The following NFE2L3 variants were observed in gnomAD, a reference collection of about 807,000 sequenced individuals.
The protein encoded by NFE2L3 is nuclear factor erythroid 2-related factor 3.
In NFE2L3, 18 loss-of-function variants were observed where a neutral mutation model predicts 23.5. The observed-to-expected ratio is 0.77, with a 90% CI of 0.53 to 1.13. The LOEUF (loss-of-function observed/expected upper bound fraction) is 1.13. Among genes scored for constraint, NFE2L3 ranks in the 50% most tolerant of loss-of-function variants. NFE2L3 has a pLI of 0.00. For synonymous variants in NFE2L3, 424 were observed against 354.5 expected (o/e 1.20, Z -2.20); for missense variants, 1,152 against 877.2 (o/e 1.31, Z -3.96).
intron 1 of NFE2L3, among the ~76,000 whole-genome samples, chr7:26,175,232 C>T (rs1043628983): frequency 4.7e-5 from 7 of 149,786 alleles, no homozygotes; most frequent in African/African-American, 1.5e-4. Flanking sequence ...TGGTGGCAGG[C>T]ACCTGTAGTC....
At chr7:26,162,441 G>A (rs1477521475) in intron 1 of NFE2L3, among the ~76,000 whole-genome samples, 3 of 152,146 alleles carry the variant, frequency 2.0e-5, no homozygotes, top group Non-Finnish European at 4.4e-5. Context: ...TAATCATACA[G>A]TGATTCTGTA....
At position 26,184,666 on chromosome 7, in the gene NFE2L3, CCAA is replaced by C. The variant is rs1782433558; in HGVS notation, c.972_974del (p.Asn325del). ...CTTCATGAGGCCATCTTGCTTTGTCCCAACAATACATTTAGAAGAGATCCAACA... is the reference window on the plus strand; with the variant it reads ...CTTCATGAGGCCATCTTGCTTTGTCCCAATACATTTAGAAGAGATCCAACA... On this transcript the variant is annotated inframe_deletion, in exon 4 of 4. Transcript: ENST00000056233. 1 of 1,613,816 alleles carries C rather than the reference CCAA, an allele frequency of 6.2e-7. No individual in the cohort carries two copies.
chr7:26,179,519 A>G (rs1228153664), intron 2 of NFE2L3, among the ~76,000 whole-genome samples: 1 of 150,078 alleles, frequency 6.7e-6, no homozygotes, highest in Non-Finnish European at 1.5e-5. Flanking sequence ...AAAAAAAAGT[A>G]TAACCCAATG....
intron 1 of NFE2L3, among the ~76,000 whole-genome samples, chr7:26,165,928 T>C (rs938108342): frequency 2.4e-4 from 37 of 152,222 alleles, no homozygotes; most frequent in Non-Finnish European, 4.4e-5. Context: ...ACTGTTCAAA[T>C]TTCCTGTTAT....
At chr7:26,166,329 C>G (rs1784251648) in intron 1 of NFE2L3, among the ~76,000 whole-genome samples, 1 of 152,150 alleles carries the variant, frequency 6.6e-6, no homozygotes, top group Non-Finnish European at 1.5e-5. Context: ...GCTCTGACCT[C>G]CCCCTTGGCT....
At chr7:26,172,692 C>CAA (rs1198039661) in intron 1 of NFE2L3, among the ~76,000 whole-genome samples, 1 of 152,120 alleles carries the variant, frequency 6.6e-6, no homozygotes, top group Non-Finnish European at 1.5e-5. Flanking sequence ...GATGTTTCCT[C>CAA]AATGATTAGA....
rs2128099575 is a variant in NFE2L3, at chr7:26,178,034, A to G, written c.662A>G (p.Asn221Ser). The G allele has an allele frequency of 6.2e-7, 1 of 1,614,136 alleles. No homozygotes were observed. Among genetic ancestry groups the G allele is most frequent in the South Asian group, 1.1e-5 (1 of 91,080 alleles). The change falls in exon 2 of 4, where the codon AAC becomes AGC. Residue 221 changes from asparagine (N) to serine (S), a missense_variant. Asn to Ser is a conservative substitution (Grantham distance 46). Transcript: ENST00000056233. ...GAAAGGGTGTCAGCCCAGAAGGAGA[A>G]CTCACTTCAGCAGAATGATGATGAT... is the stretch of plus-strand genomic sequence containing the variant. The part of the protein sequence containing the change: ...NEERVSAQKE[N>S]SLQQNDDDEN...
Position 26,184,637 on chromosome 7 carries a change from G to A in NFE2L3, c.939G>A (p.Val313=). The change falls in exon 4 of 4, where the codon GTG becomes GTA. Residue 313 remains valine (V), a synonymous_variant. Coordinates refer to ENST00000056233, the MANE Select transcript of NFE2L3 (RefSeq NM_004289.7). ...VNFSQAISQD[V]NLHEAILLCP... ...TCAGCCAGGCTATAAGTCAGGATGTGAATCTTCATGAGGCCATCTTGCTTT... is the reference window on the plus strand; with the variant it reads ...TCAGCCAGGCTATAAGTCAGGATGTAAATCTTCATGAGGCCATCTTGCTTT... 6.2e-7 allele frequency: 1 copy of A among 1,613,884 alleles called. No homozygotes were observed. The highest frequency in any genetic ancestry group is 8.5e-7 in the Non-Finnish European group (1 of 1,179,830).
In NFE2L3 at chr7:26,152,441, G is replaced by T; in HGVS notation, c.-58G>T. ...CGGGGTCCGCACGTGTCACCCCGGC[G>T]GCTGGGGCGCCGGGACCCGCGGGCG... On this transcript the variant is annotated 5_prime_UTR_variant, in exon 1 of 4. Transcript: ENST00000056233. The surrounding 1 kb of genome is among the most constrained non-coding windows in gnomAD (Gnocchi z 4.4). 1 of 1,190,136 alleles carries T rather than the reference G, an allele frequency of 8.4e-7. No homozygotes were observed. Among genetic ancestry groups the T allele is most frequent in the African/African-American group, 1.6e-5 (1 of 62,894 alleles). 73.7% of individuals were successfully genotyped at this position (1,190,136 alleles called of 1,614,324 possible). A position where few individuals can be genotyped will look rare whatever the true frequency, so the allele number is the denominator to read the frequency against.
chr7:26,170,747 T>C (rs1014068365), intron 1 of NFE2L3, among the ~76,000 whole-genome samples: 16 of 152,184 alleles, frequency 1.1e-4, no homozygotes, highest in Admixed American at 3.9e-4. Flanking sequence ...ATAACAGTGA[T>C]ACCAAGGCCT....
chr7:26,177,911 T>G (rs1453618682), intron 1 of NFE2L3, 32 bp from the exon 2 acceptor site: 2 of 1,591,194 alleles, frequency 1.3e-6, no homozygotes, highest in African/African-American at 2.7e-5. Context: ...AAAGACTGTT[T>G]GCTTATTTGA....
intron 1 of NFE2L3, chr7:26,173,878 T>C (rs149377736): frequency 6.6e-6 from 1 of 152,074 alleles, no homozygotes; most frequent in Non-Finnish European, 1.5e-5. Flanking sequence ...AGCAAACAAA[T>C]AAACATGGTA....
chr7:26,171,182 C>T (rs1334193971), intron 1 of NFE2L3, among the ~76,000 whole-genome samples: 2 of 152,138 alleles, frequency 1.3e-5, no homozygotes, highest in African/African-American at 4.8e-5. Context: ...CACACGTGTG[C>T]AAAGAAGTAT....
At chr7:26,177,211 A>T (rs1332334050) in intron 1 of NFE2L3, among the ~76,000 whole-genome samples, 2 of 152,354 alleles carry the variant, frequency 1.3e-5, no homozygotes, top group East Asian at 3.9e-4. Flanking sequence ...GCTGGGCAGA[A>T]GCTGTAATTT....
At chr7:26,164,071 G>T (rs550776242) in intron 1 of NFE2L3, among the ~76,000 whole-genome samples, 7 of 152,164 alleles carry the variant, frequency 4.6e-5, no homozygotes, top group African/African-American at 1.7e-4. Context: ...GGACATTTGG[G>T]TTGGTTCCAA....
At chr7:26,177,843 CTTAGCTTTTGACTTGTGGGTT>C in intron 1 of NFE2L3, 79 bp from the exon 2 acceptor site, 1 of 1,012,364 alleles carries the variant, frequency 9.9e-7, no homozygotes, top group African/African-American at 1.6e-5. Context: ...AAATGCCGGT[CTTAGCTTTTGACTTGTGGGTT>C]TTCATGGTCC....
At chr7:26,169,297 G>T (rs1393903952) in intron 1 of NFE2L3, among the ~76,000 whole-genome samples, 1 of 152,226 alleles carries the variant, frequency 6.6e-6, no homozygotes, top group Non-Finnish European at 1.5e-5. Context: ...GGAGCCATTG[G>T]GATCAATAAC....
chr7:26,153,015 G>A lies in NFE2L3; in HGVS notation c.517G>A (p.Ala173Thr), dbSNP rs1379406549. The change falls in exon 1 of 4, where the codon GCA becomes ACA. Residue 173 changes from alanine to threonine, a missense_variant. Coordinates refer to ENST00000056233, the MANE Select transcript of NFE2L3 (RefSeq NM_004289.7). Reference sequence around the variant, plus strand: ...CTTGGACGCCGGGGAAGAGGAGAAGGCACCCGCGGAACCGACGGCTCAGGT... The same window carrying A: ...CTTGGACGCCGGGGAAGAGGAGAAGACACCCGCGGAACCGACGGCTCAGGT... ...GPLDAGEEEK[A>T]PAEPTAQVPD... 6.6e-7 allele frequency: 1 copy of A among 1,524,618 alleles called. No individual in the cohort carries two copies. Among genetic ancestry groups the A allele is most frequent in the South Asian group, 1.2e-5 (1 of 83,590 alleles). The allele number at this position is 1,524,618 out of a possible 1,614,324, so 94.4% of individuals were successfully genotyped here. A position where few individuals can be genotyped will look rare whatever the true frequency, so the allele number is the denominator to read the frequency against.
intron 1 of NFE2L3, among the ~76,000 whole-genome samples, chr7:26,155,899 T>G (rs1011194125): frequency 1.3e-5 from 2 of 152,126 alleles, no homozygotes; most frequent in Admixed American, 1.3e-4. Context: ...GTGTGCTGAT[T>G]AAGTGGGAAA....
Sources: gnomAD v4.1 joint callset for allele counts (sites outside exome capture counted in the v4.1 genomes callset) on GRCh38, gnomAD v4.1.1 for gene constraint, Gnocchi (gnomAD v3.1) non-coding constraint, MANE v1.5 for transcripts, NCBI Gene and HGNC (gene_info 2026-07-23, HGNC 2026-07-21) for gene names.